Variants in CLIP2 observed in about 807,000 individuals in gnomAD.
The protein encoded by CLIP2 is CAP-Gly domain-containing linker protein 2.
In CLIP2, 41 loss-of-function variants were observed where a neutral mutation model predicts 111.7. That is an observed-to-expected ratio of 0.37 (90% CI 0.29 to 0.48). The LOEUF (loss-of-function observed/expected upper bound fraction) is 0.48, where lower values mean the gene tolerates loss of function less well. Among genes scored for constraint, CLIP2 ranks in the 20% least tolerant of loss-of-function variants. The probability of loss-of-function intolerance (pLI) is 0.99; values close to 1 mark genes in which losing one functional copy is unlikely to be tolerated. For synonymous variants in CLIP2, 660 were observed against 644.2 expected (o/e 1.02, Z -0.37); for missense variants, 1,160 against 1,422.1 (o/e 0.82, Z 2.96).
At chr7:74,397,833 AT>A (rs1554316950) in intron 14 of CLIP2, among the ~76,000 whole-genome samples, 1 of 150,994 alleles carries the variant, frequency 6.6e-6, no homozygotes, top group East Asian at 2.0e-4. Flanking sequence ...CGCCTGGCTA[AT>A]TTTTTTGTAT....
At position 74,376,741 on chromosome 7, in the gene CLIP2, C is replaced by T. The variant is rs781877183; in HGVS notation, c.2340C>T (p.Val780=). Residue 780 remains valine, a synonymous_variant, in exon 10 of 17, where the codon GTC becomes GTT. Coordinates refer to ENST00000223398, the MANE Select transcript of CLIP2 (RefSeq NM_003388.5). This position sits in a 1 kb window ranked among gnomAD's most constrained non-coding sequence, Gnocchi z 7.1. ...QRAEAQGKQE[V]ESLREKLLVA... is the part of the protein sequence containing the mutation. ...CAGAAGCCCAGGGCAAACAGGAGGT[C>T]GAGAGTTTGCGGGAGAAGCTCCTGG... 5.6e-6 allele frequency: 9 copies of T among 1,612,540 alleles called. No individual in the cohort carries two copies. The highest frequency in any genetic ancestry group is 2.2e-5 in the South Asian group (2 of 90,692).
chr7:74,323,081 TTTTATTTATTTA>T (rs58819810), intron 2 of CLIP2, among the ~76,000 whole-genome samples: 1,507 of 144,858 alleles, frequency 0.01, 11 homozygotes, highest in Middle Eastern at 0.025. Context: ...TTTAGCTATG[TTTTATTTATTTA>T]TTTATTTATT....
At chr7:74,303,475 A>G (rs1788393228) in intron 1 of CLIP2, among the ~76,000 whole-genome samples, 1 of 151,104 alleles carries the variant, frequency 6.6e-6, no homozygotes, top group Admixed American at 6.6e-5. Context: ...AGGGCTCACC[A>G]TTGGCTCAGA....
Position 74,289,433 on chromosome 7 carries a change from C to A in CLIP2, c.-369C>A, listed in dbSNP as rs550736545. 1.5e-4 allele frequency: 22 copies of A among 150,186 alleles called. No homozygotes were observed. The highest frequency in any genetic ancestry group is 4.9e-4 in the African/African-American group (20 of 41,128). 9.3% of individuals were successfully genotyped at this position (150,186 alleles called of 1,614,324 possible). A position where few individuals can be genotyped will look rare whatever the true frequency, so the allele number is the denominator to read the frequency against. On this transcript the variant is annotated 5_prime_UTR_variant, in exon 1 of 17. Transcript: ENST00000223398. ...CTTTTGTTCCCTCCCGGAGCCGGGC[C>A]GCTGGCTCCGCTGGCTCCGCTGGCT... is the stretch of plus-strand genomic sequence containing the variant.
At chr7:74,347,147 G>A (rs1364618063) in intron 3 of CLIP2, among the ~76,000 whole-genome samples, 1 of 152,102 alleles carries the variant, frequency 6.6e-6, no homozygotes, top group Non-Finnish European at 1.5e-5. Context: ...CCCTTGCCTG[G>A]TGACTGTTCC....
chr7:74,324,849 A>G (rs1789068606), intron 2 of CLIP2, among the ~76,000 whole-genome samples: 1 of 149,382 alleles, frequency 6.7e-6, no homozygotes, highest in Admixed American at 6.7e-5. Context: ...GCCTCTGGGA[A>G]GAGTGACAGG....
chr7:74,365,901 G>A (rs868947630), intron 8 of CLIP2, among the ~76,000 whole-genome samples: 11 of 151,982 alleles, frequency 7.2e-5, no homozygotes, highest in Admixed American at 2.0e-4. Flanking sequence ...CTACAGGCGT[G>A]TGCCACCACA....
At chr7:74,400,693 C>A in intron 15 of CLIP2, 138 bp downstream of exon 15, 1 of 844,338 alleles carries the variant, frequency 1.2e-6, no homozygotes, top group Non-Finnish European at 1.8e-6. Flanking sequence ...GGAACCTGGT[C>A]TGAAGGGGGA....
intron 7 of CLIP2, among the ~76,000 whole-genome samples, chr7:74,361,261 A>C (rs1790326163): frequency 7.9e-6 from 1 of 125,912 alleles, no homozygotes; most frequent in Non-Finnish European, 1.6e-5. Flanking sequence ...CTTGTTGCCC[A>C]GGCTGGAGTA....
chr7:74,364,110 T>G, intron 7 of CLIP2, 145 bp from the exon 8 acceptor site: 3 of 683,476 alleles, frequency 4.4e-6, no homozygotes, highest in Non-Finnish European at 7.5e-6. Flanking sequence ...GTCTAGAGCT[T>G]TCCAGGACTG....
At chr7:74,310,030 T>C (rs1413437615) in intron 1 of CLIP2, among the ~76,000 whole-genome samples, 1 of 66,548 alleles carries the variant, frequency 1.5e-5, no homozygotes, top group Non-Finnish European at 2.7e-5. Flanking sequence ...CAAGACCCTG[T>C]CTCTACAAAA....
chr7:74,342,178 C>A (rs1309569911), intron 3 of CLIP2, among the ~76,000 whole-genome samples: 4 of 151,932 alleles, frequency 2.6e-5, no homozygotes, highest in Admixed American at 1.3e-4. Context: ...GAGTTCGAGA[C>A]CAGCCTCACC....
chr7:74,296,508 G>A (rs1187617174), intron 1 of CLIP2, among the ~76,000 whole-genome samples: 2 of 145,662 alleles, frequency 1.4e-5, no homozygotes, highest in Non-Finnish European at 3.0e-5. Flanking sequence ...ACACTAAGAG[G>A]GCCGAGCACG....
intron 1 of CLIP2, among the ~76,000 whole-genome samples, chr7:74,292,615 T>C (rs1788057141): frequency 6.6e-6 from 1 of 152,130 alleles, no homozygotes; most frequent in Admixed American, 6.6e-5. Context: ...CTCAAACTCC[T>C]GACCTCAAGT....
chr7:74,394,358 C>A (rs1242664963), intron 13 of CLIP2, among the ~76,000 whole-genome samples: 4 of 146,250 alleles, frequency 2.7e-5, no homozygotes, highest in Non-Finnish European at 4.5e-5. Context: ...TCAAGCAATT[C>A]TCCTGCCCCA....
rs1554732599 is a variant in CLIP2, at chr7:74,338,554, G to A, written c.228G>A (p.Leu76=). The A allele has an allele frequency of 1.3e-6, 2 of 1,592,678 alleles. No homozygotes were observed. The highest frequency in any genetic ancestry group is 1.7e-6 in the Non-Finnish European group (2 of 1,170,772). ...PKAAEVGDDF[L]GDFVVGERVW... ...CGGCGGAAGTGGGGGATGACTTCCT[G>A]GGGGACTTTGTGGTGGGCGAGCGGG... is the stretch of plus-strand genomic sequence containing the variant. The change falls in exon 3 of 17, where the codon CTG becomes CTA. Residue 76 remains leucine (L), a synonymous_variant. Coordinates refer to ENST00000223398, the MANE Select transcript of CLIP2 (RefSeq NM_003388.5). The surrounding 1 kb of genome is among the most constrained non-coding windows in gnomAD (Gnocchi z 4.3).
chr7:74,379,082 G>A (rs903494874), intron 10 of CLIP2, among the ~76,000 whole-genome samples: 1 of 152,302 alleles, frequency 6.6e-6, no homozygotes, highest in African/African-American at 2.4e-5. Flanking sequence ...CACAGAGCAT[G>A]GGGGACAGAG....
intron 8 of CLIP2, among the ~76,000 whole-genome samples, chr7:74,371,987 G>T (rs1584370161): frequency 1.3e-5 from 2 of 152,078 alleles, no homozygotes; most frequent in Non-Finnish European, 2.9e-5. Flanking sequence ...CGCCCCTTCA[G>T]AACTGCCCTG....
chr7:74,360,723 G>A (rs1454380975), intron 7 of CLIP2, among the ~76,000 whole-genome samples: 1 of 152,020 alleles, frequency 6.6e-6, no homozygotes, highest in Non-Finnish European at 1.5e-5. Flanking sequence ...GTTAATTTTT[G>A]TATTTTTTGT....
Sources: gnomAD v4.1 joint callset for allele counts (sites outside exome capture counted in the v4.1 genomes callset) on GRCh38, gnomAD v4.1.1 for gene constraint, Gnocchi (gnomAD v3.1) non-coding constraint, MANE v1.5 for transcripts, NCBI Gene and HGNC (gene_info 2026-07-23, HGNC 2026-07-21) for gene names.